The following ERC1 variants were observed in gnomAD, a reference collection of about 807,000 sequenced individuals.
The protein encoded by ERC1 is RAB6 interacting protein 2.
Under a neutral mutation model 132.0 loss-of-function variants are expected in ERC1, and 56 were observed. That is an observed-to-expected ratio of 0.42 (90% confidence interval 0.34 to 0.53). The LOEUF (loss-of-function observed/expected upper bound fraction) is 0.53, where lower values mean the gene tolerates loss of function less well. ERC1 is among the 20% of genes least tolerant of loss of function. ERC1 has a pLI of 0.03. For synonymous variants in ERC1, 478 were observed against 476.1 expected, an observed-to-expected ratio of 1.00 and a Z score of -0.05; for missense variants, 1,202 against 1,349.9, an observed-to-expected ratio of 0.89 and a Z score of 1.72.
At chr12:1,029,829 C>A (rs936967643) in intron 2 of ERC1, among the ~76,000 whole-genome samples, 1 of 145,306 alleles carries the variant, frequency 6.9e-6, no homozygotes, top group African/African-American at 2.5e-5. Flanking sequence ...TTCGCTGCAA[C>A]CTCCACCTCC....
At chr12:1,461,355 C>G (rs1025942533) in intron 18 of ERC1, among the ~76,000 whole-genome samples, 3 of 152,114 alleles carry the variant, frequency 2.0e-5, no homozygotes, top group African/African-American at 7.2e-5. Context: ...TTAGATAAAG[C>G]CAACGTTTTT....
intron 16 of ERC1, among the ~76,000 whole-genome samples, chr12:1,388,927 A>G (rs902856763): frequency 4.6e-5 from 7 of 152,206 alleles, no homozygotes; most frequent in African/African-American, 9.7e-5. Context: ...TGCCGGCTCT[A>G]TGAGGAAGCT....
intron 12 of ERC1, among the ~76,000 whole-genome samples, chr12:1,219,905 C>T (rs1958812613): frequency 6.6e-6 from 1 of 152,170 alleles, no homozygotes; most frequent in Non-Finnish European, 1.5e-5. Context: ...ATTGTCACCC[C>T]TTGGGTTAAA....
intron 17 of ERC1, among the ~76,000 whole-genome samples, chr12:1,413,901 A>T (rs1398323978): frequency 1.3e-5 from 2 of 152,176 alleles, no homozygotes; most frequent in Admixed American, 6.5e-5. Flanking sequence ...GGCACCAGGA[A>T]CCGGTTTCGT....
chr12:1,235,761 G>A (rs913198369), intron 12 of ERC1, among the ~76,000 whole-genome samples: 2 of 152,024 alleles, frequency 1.3e-5, no homozygotes, highest in African/African-American at 2.4e-5. Context: ...ATAGCTTCTT[G>A]GAAAATAAAA....
chr12:1,323,235 G>A (rs1443663128), intron 15 of ERC1, among the ~76,000 whole-genome samples: 1 of 151,920 alleles, frequency 6.6e-6, no homozygotes, highest in East Asian at 1.9e-4. Context: ...ATGAGTTGAA[G>A]TATGGTGCTT....
chr12:1,326,881 A>C (rs2082480948), intron 15 of ERC1, among the ~76,000 whole-genome samples: 1 of 151,158 alleles, frequency 6.6e-6, no homozygotes, highest in South Asian at 2.1e-4. Flanking sequence ...AATTATAGAC[A>C]GTTTGTGGGT....
intron 15 of ERC1, among the ~76,000 whole-genome samples, chr12:1,337,975 C>G (rs1486045819): frequency 6.6e-6 from 1 of 152,050 alleles, no homozygotes; most frequent in Non-Finnish European, 1.5e-5. Flanking sequence ...ACATTTTTTT[C>G]TTTCATCTTA....
At chr12:1,119,690 A>G (rs1199521635) in intron 7 of ERC1, among the ~76,000 whole-genome samples, 1 of 152,080 alleles carries the variant, frequency 6.6e-6, no homozygotes, top group African/African-American at 2.4e-5. Flanking sequence ...AGCTGGGATT[A>G]TAGGCATGTG....
At chr12:1,078,826 G>A (rs1048196126) in intron 2 of ERC1, among the ~76,000 whole-genome samples, 1 of 151,780 alleles carries the variant, frequency 6.6e-6, no homozygotes, top group Non-Finnish European at 1.5e-5. Context: ...GACAAAAGTC[G>A]ATATACAAAG....
chr12:1,383,429 T>A (rs1002106137), intron 16 of ERC1, among the ~76,000 whole-genome samples: 3 of 137,840 alleles, frequency 2.2e-5, no homozygotes, highest in Admixed American at 2.2e-4. Flanking sequence ...CTGTTCCTGC[T>A]GCCTCTTTTG....
At chr12:1,487,580 C>T (rs960376450) in intron 18 of ERC1, among the ~76,000 whole-genome samples, 8 of 148,198 alleles carry the variant, frequency 5.4e-5, no homozygotes, top group Non-Finnish European at 1.1e-4. Context: ...ATTAGCCAGG[C>T]ATGGTGGTAC....
At chr12:1,170,137 CACTT>C (rs938167421) in intron 8 of ERC1, among the ~76,000 whole-genome samples, 2 of 152,080 alleles carry the variant, frequency 1.3e-5, no homozygotes, top group African/African-American at 2.4e-5. Flanking sequence ...TATAATATTA[CACTT>C]ACTTTTTGGT....
At chr12:1,346,960 A>AAAAAAAAAAAAAAAG (rs1006260266) in intron 15 of ERC1, among the ~76,000 whole-genome samples, 31 of 149,746 alleles carry the variant, frequency 2.1e-4, no homozygotes, top group South Asian at 8.7e-4. Context: ...AAAAAAAAAA[A>AAAAAAAAAAAAAAAG]AGAGAGAGAT....
intron 13 of ERC1, among the ~76,000 whole-genome samples, chr12:1,242,711 C>T (rs1379840838): frequency 6.6e-6 from 1 of 152,076 alleles, no homozygotes; most frequent in African/African-American, 2.4e-5. Flanking sequence ...GTAGTAGTAA[C>T]ATAACAGGTA....
chr12:1,239,452 C>G (rs2075651136), intron 13 of ERC1, among the ~76,000 whole-genome samples: 1 of 152,138 alleles, frequency 6.6e-6, no homozygotes, highest in South Asian at 2.1e-4. Context: ...ATACAGCCGG[C>G]CATCGTGGCT....
intron 18 of ERC1, among the ~76,000 whole-genome samples, chr12:1,472,722 A>G (rs964659644): frequency 1.3e-5 from 2 of 151,884 alleles, no homozygotes; most frequent in East Asian, 1.9e-4. Context: ...GAAGGGAAGG[A>G]GGGAGGAAGG....
intron 15 of ERC1, among the ~76,000 whole-genome samples, chr12:1,312,442 A>G (rs562141592): frequency 6.6e-6 from 1 of 152,104 alleles, no homozygotes; most frequent in African/African-American, 2.4e-5. Flanking sequence ...GCTCACTGCA[A>G]CCACCTCCCG....
chr12:1,436,308 A>C (rs574006976), intron 17 of ERC1, among the ~76,000 whole-genome samples: 2 of 152,334 alleles, frequency 1.3e-5, no homozygotes, highest in African/African-American at 2.4e-5. Flanking sequence ...GTGACTAGAC[A>C]GTCATACTTG....
Sources: gnomAD v4.1 joint callset for allele counts (sites outside exome capture counted in the v4.1 genomes callset) on GRCh38, gnomAD v4.1.1 for gene constraint, MANE v1.5 for transcripts, NCBI Gene and HGNC (gene_info 2026-07-23, HGNC 2026-07-21) for gene names.